Variants in SHLD2 observed in about 807,000 individuals in gnomAD.
SHLD2 encodes shieldin complex subunit 2.
A neutral mutation model predicts 73.2 loss-of-function variants in SHLD2; 30 were observed. The observed-to-expected ratio is 0.41, with a 90% confidence interval of 0.31 to 0.56. The LOEUF is 0.56. SHLD2 is among the 20% of genes least tolerant of loss of function. The pLI, the probability that SHLD2 is intolerant of heterozygous loss-of-function variation, is 0.28. For synonymous variants in SHLD2, 285 were observed against 370.1 expected, an observed-to-expected ratio of 0.77 and a Z score of 2.64; for missense variants, 745 against 1,055.9, an observed-to-expected ratio of 0.71 and a Z score of 4.08.
At chr10:87,095,125 G>A (rs1346531081), upstream of SHLD2, 1 of 142,880 alleles carries the variant, frequency 7.0e-6, no homozygotes, top group Admixed American at 6.9e-5. Context: ...GGGGAGGAGA[G>A]TGGAGGGGAA....
intron 4 of SHLD2, among the ~76,000 whole-genome samples, chr10:87,160,683 T>C (rs1418532786): frequency 1.3e-5 from 2 of 152,112 alleles, no homozygotes; most frequent in Non-Finnish European, 1.5e-5. Context: ...TATCAGCTAA[T>C]GCACTTAGAC....
At chr10:87,131,080 A>G (rs1318566009) in intron 2 of SHLD2, among the ~76,000 whole-genome samples, 2 of 151,828 alleles carry the variant, frequency 1.3e-5, no homozygotes, top group Non-Finnish European at 2.9e-5. Flanking sequence ...AACAAAAACA[A>G]AAACCCCCCA....
intron 2 of SHLD2, among the ~76,000 whole-genome samples, chr10:87,098,624 G>C (rs1156893150): frequency 5.9e-5 from 9 of 151,834 alleles, no homozygotes; most frequent in Admixed American, 5.9e-4. Context: ...TGACTCCAAA[G>C]TTATACTATT....
At chr10:87,154,581 A>G (rs900355817) in intron 3 of SHLD2, among the ~76,000 whole-genome samples, 2 of 151,774 alleles carry the variant, frequency 1.3e-5, no homozygotes, top group Non-Finnish European at 2.9e-5. Context: ...GGGTTTCACC[A>G]TGTTGGCCGG....
At chr10:87,144,527 A>C (rs1395181863) in intron 2 of SHLD2, among the ~76,000 whole-genome samples, 1 of 152,154 alleles carries the variant, frequency 6.6e-6, no homozygotes, top group Non-Finnish European at 1.5e-5. Context: ...TCTGAGGAAA[A>C]AAATCATCTT....
intron 2 of SHLD2, among the ~76,000 whole-genome samples, chr10:87,144,616 A>AT (rs548218721): frequency 0.052 from 4,620 of 89,242 alleles, 531 homozygotes; most frequent in African/African-American, 0.078. Flanking sequence ...GCATTTACTA[A>AT]TTTTTTTTTT....
chr10:87,181,463 A>G (rs1325107178), intron 8 of SHLD2, among the ~76,000 whole-genome samples: 1 of 152,226 alleles, frequency 6.6e-6, no homozygotes, highest in Non-Finnish European at 1.5e-5. Flanking sequence ...AAAAGTATGT[A>G]TAGGTGACTT....
intron 2 of SHLD2, among the ~76,000 whole-genome samples, chr10:87,139,806 CAG>C (rs1845053277): frequency 6.6e-6 from 1 of 152,006 alleles, no homozygotes; most frequent in Admixed American, 6.6e-5. Flanking sequence ...ACCTGGGTGA[CAG>C]AGTGAGACTT....
At chr10:87,101,657 C>G (rs1842274885) in intron 2 of SHLD2, among the ~76,000 whole-genome samples, 1 of 152,204 alleles carries the variant, frequency 6.6e-6, no homozygotes. Context: ...GCCTGTAATC[C>G]TAGCACTTGG....
Position 87,152,273 on chromosome 10 carries a change from G to A in SHLD2, c.919G>A (p.Ala307Thr). 6.5e-7 allele frequency: 1 copy of A among 1,537,494 alleles called. No individual in the cohort carries two copies. Among genetic ancestry groups the A allele is most frequent in the Non-Finnish European group, 8.9e-7 (1 of 1,128,518 alleles). ...TEAYESGQNQ[A>T]YSLELFSPVC... ...AGCATATGAAAGTGGACAAAACCAA[G>A]CATATTCCCTTGAACTTTTTAGTCC... The change falls in exon 3 of 10, where the codon GCA becomes ACA. Residue 307 changes from alanine (A) to threonine (T), a missense_variant. Coordinates refer to ENST00000298786, the MANE Select transcript of SHLD2 (RefSeq NM_001330112.2).
chr10:87,144,683 G>A (rs1172630357), intron 2 of SHLD2, among the ~76,000 whole-genome samples: 2 of 130,296 alleles, frequency 1.5e-5, no homozygotes, highest in Non-Finnish European at 3.1e-5. Flanking sequence ...CTGGAATGCA[G>A]TGGCGCAATC....
intron 9 of SHLD2, among the ~76,000 whole-genome samples, chr10:87,188,949 C>G (rs1848820905): frequency 6.6e-6 from 1 of 150,708 alleles, no homozygotes; most frequent in African/African-American, 2.4e-5. Flanking sequence ...ATTCTTTTGG[C>G]TATTTTCATT....
chr10:87,167,616 A>G (rs1296236254), intron 4 of SHLD2, among the ~76,000 whole-genome samples: 1 of 152,134 alleles, frequency 6.6e-6, no homozygotes, highest in African/African-American at 2.4e-5. Context: ...CAAAACCAAA[A>G]ATTGAAAAGT....
intron 2 of SHLD2, among the ~76,000 whole-genome samples, chr10:87,120,945 G>A (rs1020230354): frequency 6.6e-6 from 1 of 152,026 alleles, no homozygotes; most frequent in African/African-American, 2.4e-5. Context: ...AGCTACTTGG[G>A]AGGCTGAGGC....
At chr10:87,145,864 C>T (rs1300501186) in intron 2 of SHLD2, among the ~76,000 whole-genome samples, 7 of 152,036 alleles carry the variant, frequency 4.6e-5, no homozygotes, top group Non-Finnish European at 4.4e-5. Flanking sequence ...CATCTGGTAT[C>T]TTAATGAGCT....
chr10:87,149,219 C>T (rs1347266073), intron 2 of SHLD2, among the ~76,000 whole-genome samples: 1 of 151,812 alleles, frequency 6.6e-6, no homozygotes, highest in African/African-American at 2.4e-5. Context: ...TATATTTCTC[C>T]TTCCACTTGG....
At chr10:87,104,362 A>G (rs971885911) in intron 2 of SHLD2, among the ~76,000 whole-genome samples, 15 of 152,074 alleles carry the variant, frequency 9.9e-5, no homozygotes, top group African/African-American at 3.6e-4. Context: ...AGCCTGGCCA[A>G]CATGGTGAAA....
At chr10:87,189,962 G>A (rs1196394732) in intron 9 of SHLD2, among the ~76,000 whole-genome samples, 1 of 152,092 alleles carries the variant, frequency 6.6e-6, no homozygotes, top group Non-Finnish European at 1.5e-5. Flanking sequence ...GTGTTATCTG[G>A]GCCTGTTTCT....
chr10:87,180,749 T>C (rs1384034207), intron 8 of SHLD2, among the ~76,000 whole-genome samples: 1 of 152,238 alleles, frequency 6.6e-6, no homozygotes, highest in Non-Finnish European at 1.5e-5. Context: ...AAATGTTGTA[T>C]GGTAAAACTG....
Sources: gnomAD v4.1 joint callset for allele counts (sites outside exome capture counted in the v4.1 genomes callset) on GRCh38, gnomAD v4.1.1 for gene constraint, MANE v1.5 for transcripts, NCBI Gene and HGNC (gene_info 2026-07-23, HGNC 2026-07-21) for gene names.